LAMA2: variants seen among roughly 807,000 people sequenced by gnomAD.
The protein encoded by LAMA2 is laminin subunit alpha-2.
In LAMA2, 269 loss-of-function variants were observed where a neutral mutation model predicts 364.8. The observed-to-expected ratio is 0.74, with a 90% CI of 0.67 to 0.82. LAMA2 has a LOEUF of 0.82. Ranked by LOEUF, LAMA2 falls within the 40% of genes least tolerant of loss-of-function variation. The probability of loss-of-function intolerance (pLI) is 0.00; values close to 1 mark genes in which losing one functional copy is unlikely to be tolerated. For synonymous variants in LAMA2, 1,379 were observed against 1,370.6 expected (o/e 1.01, Z -0.14); for missense variants, 3,807 against 3,873.2 (o/e 0.98, Z 0.45).
intron 4 of LAMA2, among the ~76,000 whole-genome samples, chr6:129,130,820 A>G (rs1338021711): frequency 6.6e-6 from 1 of 152,182 alleles, no homozygotes; most frequent in African/African-American, 2.4e-5. Context: ...CTATCTCTAT[A>G]AAGAGATTAA....
chr6:129,008,024 C>T (rs1784542059), intron 1 of LAMA2, among the ~76,000 whole-genome samples: 1 of 152,136 alleles, frequency 6.6e-6, no homozygotes, highest in Non-Finnish European at 1.5e-5. Context: ...GAGAAGCTTC[C>T]TTCACCATTT....
chr6:129,322,988 A>G (rs1775059840), intron 28 of LAMA2, among the ~76,000 whole-genome samples: 1 of 152,256 alleles, frequency 6.6e-6, no homozygotes, highest in Non-Finnish European at 1.5e-5. Flanking sequence ...TAGTGGCTTC[A>G]CCGTCCCATG....
intron 1 of LAMA2, among the ~76,000 whole-genome samples, chr6:128,927,401 T>C (rs1261514732): frequency 6.6e-6 from 1 of 152,196 alleles, no homozygotes; most frequent in Non-Finnish European, 1.5e-5. Flanking sequence ...CTTCAAGAAA[T>C]TTTTCAGTCT....
At chr6:129,230,875 G>A (rs760028210) in intron 12 of LAMA2, among the ~76,000 whole-genome samples, 23 of 152,024 alleles carry the variant, frequency 1.5e-4, no homozygotes, top group Non-Finnish European at 2.8e-4. Context: ...AAGCTACAGC[G>A]ATTTCCCATT....
At chr6:129,347,053 G>C (rs1280633268) in intron 30 of LAMA2, among the ~76,000 whole-genome samples, 1 of 152,136 alleles carries the variant, frequency 6.6e-6, no homozygotes, top group African/African-American at 2.4e-5. Context: ...AGAAGAGGGG[G>C]CTAGGAGATG....
intron 3 of LAMA2, among the ~76,000 whole-genome samples, chr6:129,083,682 T>C (rs1774199622): frequency 6.6e-6 from 1 of 152,200 alleles, no homozygotes; most frequent in African/African-American, 2.4e-5. Context: ...TCTGTGTTTG[T>C]TAAAAGTTTC....
intron 60 of LAMA2, 105 bp from the exon 61 acceptor site, chr6:129,505,095 T>A: frequency 1.0e-6 from 1 of 987,592 alleles, no homozygotes; most frequent in Non-Finnish European, 1.6e-6. Flanking sequence ...CTGTGTACAT[T>A]GTTTCAATTT....
intron 14 of LAMA2, among the ~76,000 whole-genome samples, chr6:129,256,552 A>G (rs11961517): frequency 0.088 from 13,382 of 151,754 alleles, 1,946 homozygotes; most frequent in African/African-American, 0.31. Flanking sequence ...AGTGTGCACA[A>G]TGCATATAAA....
intron 36 of LAMA2, 55 bp from the exon 37 acceptor site, chr6:129,392,990 C>G (rs984487019): frequency 7.2e-7 from 1 of 1,385,808 alleles, no homozygotes; most frequent in Non-Finnish European, 1.0e-6. Flanking sequence ...TACCAATAAA[C>G]CCTAAGGCAG....
rs761714859 is a variant in LAMA2 at position 129,464,367 on chromosome 6, G to A, written c.7070G>A (p.Trp2357Ter). 6.2e-7 allele frequency: 1 copy of A among 1,611,742 alleles called. No homozygotes were observed. Among genetic ancestry groups the A allele is most frequent in the East Asian group, 2.2e-5 (1 of 44,818 alleles). Residue 2357 changes from tryptophan (W) to a stop codon, truncating the protein, a stop_gained, in exon 50 of 65, where the codon TGG becomes TAG. Coordinates refer to ENST00000421865, the MANE Select transcript of LAMA2 (RefSeq NM_000426.4). LOFTEE classifies it high-confidence loss of function. ...GYALVSRPIR[W>*]YPNISTVMFK... ...GCATTGGTCAGCCGTCCCATTCGCT[G>A]GTACCCCAACATCTCCACTGTCATG...
intron 40 of LAMA2, among the ~76,000 whole-genome samples, chr6:129,424,751 G>T (rs929115831): frequency 6.6e-6 from 1 of 151,948 alleles, no homozygotes; most frequent in Non-Finnish European, 1.5e-5. Flanking sequence ...CTCATACACT[G>T]GTGATGGGAA....
chr6:129,427,019 G>T (rs375049018), intron 40 of LAMA2, among the ~76,000 whole-genome samples: 1 of 152,288 alleles, frequency 6.6e-6, no homozygotes, highest in East Asian at 1.9e-4. Flanking sequence ...ATTATGTAAT[G>T]ATTGCTGAGG....
intron 9 of LAMA2, among the ~76,000 whole-genome samples, chr6:129,166,957 G>T (rs368206084): frequency 6.6e-6 from 1 of 152,018 alleles, no homozygotes; most frequent in Non-Finnish European, 1.5e-5. Context: ...TGGACATTAA[G>T]ATTGTTTCAA....
At chr6:129,203,741 T>C (rs1208612836) in intron 12 of LAMA2, among the ~76,000 whole-genome samples, 2 of 152,190 alleles carry the variant, frequency 1.3e-5, no homozygotes, top group Non-Finnish European at 2.9e-5. Context: ...TACCTTTGAT[T>C]AGTGTTTTGG....
intron 37 of LAMA2, among the ~76,000 whole-genome samples, chr6:129,398,454 TTTTC>T (rs1779778949): frequency 6.7e-6 from 1 of 149,764 alleles, no homozygotes; most frequent in African/African-American, 2.5e-5. Context: ...TCATTTTCTT[TTTTC>T]TTTCTTTTCT....
intron 45 of LAMA2, among the ~76,000 whole-genome samples, chr6:129,448,289 A>G (rs1301936121): frequency 1.3e-5 from 2 of 151,798 alleles, no homozygotes; most frequent in Non-Finnish European, 1.5e-5. Flanking sequence ...TCCCCCCCCA[A>G]AAAAAAAGAG....
At position 129,147,068 on chromosome 6, in the gene LAMA2, G is replaced by T. The variant is rs1778501574; in HGVS notation, c.909+20G>T. On this transcript the variant is annotated intron_variant, in intron 6 of 64. Coordinates refer to ENST00000421865, the MANE Select transcript of LAMA2 (RefSeq NM_000426.4). ...ACAAATGTATGTATATTTATAGGAT[G>T]CTTAGGCAAAATGAAGCCCTGAGCT... 6.7e-7 allele frequency: 1 copy of T among 1,495,482 alleles called. No individual in the cohort carries two copies. The highest frequency in any genetic ancestry group is 1.4e-5 in the African/African-American group (1 of 72,356). The allele number at this position is 1,495,482 out of a possible 1,614,324, so 92.6% of individuals were successfully genotyped here. A position where few individuals can be genotyped will look rare whatever the true frequency, so the allele number is the denominator to read the frequency against.
chr6:129,310,915 G>A (rs538721137), intron 22 of LAMA2, among the ~76,000 whole-genome samples: 2 of 152,036 alleles, frequency 1.3e-5, no homozygotes, highest in Non-Finnish European at 2.9e-5. Flanking sequence ...GCAAATGCAT[G>A]TCTGTAGAAG....
intron 3 of LAMA2, among the ~76,000 whole-genome samples, chr6:129,073,018 T>G (rs964058408): frequency 6.6e-6 from 1 of 152,146 alleles, no homozygotes; most frequent in Admixed American, 6.5e-5. Context: ...TCCCATTTCT[T>G]TTCTGCCTTT....
Sources: gnomAD v4.1 joint callset for allele counts (sites outside exome capture counted in the v4.1 genomes callset) on GRCh38, gnomAD v4.1.1 for gene constraint, MANE v1.5 for transcripts, NCBI Gene and HGNC (gene_info 2026-07-23, HGNC 2026-07-21) for gene names.